The following USP3 variants were observed in gnomAD, a reference collection of about 807,000 sequenced individuals.
USP3 encodes ubiquitin carboxyl-terminal hydrolase 3.
A neutral mutation model predicts 72.3 loss-of-function variants in USP3; 20 were observed. The ratio of observed to expected loss-of-function variants is 0.28; its 90% CI spans 0.19 to 0.40. USP3 has a LOEUF of 0.40. USP3 is among the 10% of genes least tolerant of loss of function. The probability of loss-of-function intolerance (pLI) is 1.00; values close to 1 mark genes in which losing one functional copy is unlikely to be tolerated. For synonymous variants in USP3, 222 were observed against 225.3 expected (o/e 0.99, Z 0.13); for missense variants, 479 against 633.9 (o/e 0.76, Z 2.62).
chr15:63,551,603 A>G (rs1335979356), intron 3 of USP3, among the ~76,000 whole-genome samples: 1 of 152,194 alleles, frequency 6.6e-6, no homozygotes, highest in African/African-American at 2.4e-5. Context: ...GGGTAATGCT[A>G]GAAATGACAT....
chr15:63,546,285 T>C (rs2066326480), intron 3 of USP3, among the ~76,000 whole-genome samples: 1 of 152,210 alleles, frequency 6.6e-6, no homozygotes, highest in African/African-American at 2.4e-5. Context: ...GGATTTCAGC[T>C]ACATTTTGGG....
At chr15:63,575,214 C>T (rs1460442960) in intron 11 of USP3, among the ~76,000 whole-genome samples, 2 of 146,502 alleles carry the variant, frequency 1.4e-5, no homozygotes, top group African/African-American at 5.1e-5. Context: ...ATGATAACCA[C>T]GAGTCATGTA....
At position 63,558,109 on chromosome 15, in the gene USP3, A is replaced by G; in HGVS notation, c.454A>G (p.Ser152Gly). ...LNSKLLKVNGSTTAICATGLR... is the reference protein window; with the variant it reads ...LNSKLLKVNGGTTAICATGLR... ...CCTCTTCTTGCACCACTTACAGGGA[A>G]GCACCACTGCCATTTGTGCCACAGG... Residue 152 changes from serine (S) to glycine (G), a missense_variant, in exon 6 of 15, where the codon AGC (serine) becomes GGC (glycine). Physicochemically the swap from Ser to Gly is moderately conservative, Grantham distance 56 (BLOSUM62 0). Coordinates refer to ENST00000380324, the MANE Select transcript of USP3 (RefSeq NM_006537.4). 1 of 1,614,160 alleles carries G rather than the reference A, an allele frequency of 6.2e-7. No individual in the cohort carries two copies. The highest frequency in any genetic ancestry group is 8.5e-7 in the Non-Finnish European group (1 of 1,180,022).
chr15:63,516,707 C>A (rs2152650499), intron 1 of USP3, among the ~76,000 whole-genome samples: 1 of 151,962 alleles, frequency 6.6e-6, no homozygotes, highest in African/African-American at 2.4e-5. Context: ...TCCTTTTATT[C>A]TTTTTCCTAT....
intron 8 of USP3, among the ~76,000 whole-genome samples, chr15:63,563,595 C>T (rs776991639): frequency 6.6e-6 from 1 of 152,198 alleles, no homozygotes; most frequent in Non-Finnish European, 1.5e-5. Context: ...GGAATCCTGC[C>T]TTTTCTCGTA....
intron 9 of USP3, among the ~76,000 whole-genome samples, chr15:63,571,965 T>G (rs2066785126): frequency 6.6e-6 from 1 of 152,162 alleles, no homozygotes; most frequent in African/African-American, 2.4e-5. Context: ...TGTTGACTTG[T>G]GCACACACAC....
chr15:63,583,788 A>T (rs913274022), intron 11 of USP3, among the ~76,000 whole-genome samples: 2 of 152,166 alleles, frequency 1.3e-5, no homozygotes, highest in African/African-American at 4.8e-5. Context: ...CCATGTTGTA[A>T]GCATGTCTCA....
chr15:63,554,402 A>G (rs1408833385), intron 4 of USP3, among the ~76,000 whole-genome samples: 1 of 152,214 alleles, frequency 6.6e-6, no homozygotes, highest in African/African-American at 2.4e-5. Flanking sequence ...ATAGTCAAAT[A>G]GTTAGATAAA....
chr15:63,545,970 C>CAAAAA lies in USP3; in HGVS notation c.285-7724_285-7720dup, dbSNP rs60122671. Among the ~76,000 whole-genome samples the CAAAAA allele has an allele frequency of 6.4e-3, 439 of 68,772 alleles. 42 individuals carry two copies. Among genetic ancestry groups the CAAAAA allele is most frequent in the African/African-American group, 0.023 (378 of 16,792 alleles). The allele number at this position is 68,772 out of a possible 152,430, so 45.1% of individuals were successfully genotyped here. ...TGGGTGACAGAGCCAGACCTTGTCTCAAAAAAAAAAAAAAAAAAAAAAAAA... is the reference window on the plus strand; with the variant it reads ...TGGGTGACAGAGCCAGACCTTGTCTCAAAAAAAAAAAAAAAAAAAAAAAAAAAAAA... On this transcript the variant is annotated intron_variant, in intron 3 of 14. Coordinates refer to ENST00000380324, the MANE Select transcript of USP3 (RefSeq NM_006537.4).
At position 63,504,734 on chromosome 15, in the gene USP3, G is replaced by C. The variant is rs374344249; in HGVS notation, c.-6G>C. 34 of 1,602,378 alleles carry C rather than the reference G, an allele frequency of 2.1e-5. No homozygotes were observed. The highest frequency in any genetic ancestry group is 2.7e-5 in the African/African-American group (2 of 73,952). ...CGCAGTCCTCCCAGCTGCCCTCCTC[G>C]TGGCCATGGAGTGTCCACACCTGAG... On this transcript the variant is annotated 5_prime_UTR_variant, in exon 1 of 15. Coordinates refer to ENST00000380324, the MANE Select transcript of USP3 (RefSeq NM_006537.4).
At chr15:63,537,639 C>T (rs986190015) in intron 3 of USP3, among the ~76,000 whole-genome samples, 2 of 152,160 alleles carry the variant, frequency 1.3e-5, no homozygotes, top group Non-Finnish European at 2.9e-5. Flanking sequence ...TCCTCTTCTA[C>T]TCCCCCAAAG....
At chr15:63,581,569 T>C in intron 11 of USP3, among the ~76,000 whole-genome samples, 1 of 148,826 alleles carries the variant, frequency 6.7e-6, no homozygotes, top group South Asian at 2.1e-4. Flanking sequence ...TTTTTTTTTT[T>C]TTTGGATTTT....
At position 63,590,647 on chromosome 15, in the gene USP3, T is replaced by C; in HGVS notation, c.1398-14T>C. 6.5e-7 allele frequency: 1 copy of C among 1,541,534 alleles called. No individual in the cohort carries two copies. Among genetic ancestry groups the C allele is most frequent in the African/African-American group, 1.4e-5 (1 of 71,578 alleles). On this transcript the variant is annotated splice_polypyrimidine_tract_variant and intron_variant, in intron 14 of 14. Coordinates refer to ENST00000380324, the MANE Select transcript of USP3 (RefSeq NM_006537.4). ...TCTGAGGTTCTTTTTTCCTTTGGTC[T>C]TTTGCCTTTACAGGGTTGGTTCTGG...
chr15:63,522,421 C>G (rs900574229), intron 1 of USP3, among the ~76,000 whole-genome samples: 1 of 152,286 alleles, frequency 6.6e-6, no homozygotes, highest in East Asian at 1.9e-4. Context: ...GTGCATGTGT[C>G]ATACAGATAT....
chr15:63,545,641 T>C (rs979287060), intron 3 of USP3, among the ~76,000 whole-genome samples: 6 of 152,144 alleles, frequency 3.9e-5, no homozygotes, highest in African/African-American at 1.4e-4. Context: ...CTATTAAATA[T>C]AGTCCTTATC....
intron 3 of USP3, 143 bp downstream of exon 3, chr15:63,537,299 T>C (rs1192841104): frequency 3.1e-6 from 3 of 962,730 alleles, no homozygotes; most frequent in Admixed American, 3.7e-5. Flanking sequence ...ACTGGAGCCA[T>C]TGGGAACGCC....
intron 11 of USP3, among the ~76,000 whole-genome samples, chr15:63,585,979 A>G (rs959718703): frequency 6.6e-6 from 1 of 152,184 alleles, no homozygotes; most frequent in Non-Finnish European, 1.5e-5. Flanking sequence ...TGACATCAAT[A>G]TAGAATAAAA....
intron 9 of USP3, among the ~76,000 whole-genome samples, chr15:63,572,388 T>A (rs1376142621): frequency 6.6e-6 from 1 of 151,894 alleles, no homozygotes; most frequent in African/African-American, 2.4e-5. Context: ...TTTGTTTTTT[T>A]TTTTGCTATG....
intron 1 of USP3, among the ~76,000 whole-genome samples, chr15:63,519,056 C>T (rs8038912): frequency 0.054 from 8,153 of 152,232 alleles, 679 homozygotes; most frequent in African/African-American, 0.18. Context: ...TGAGCCACCG[C>T]GCCTGGCCGG....
Sources: allele counts gnomAD v4.1 joint callset (sites outside exome capture counted in the v4.1 genomes callset), GRCh38; gene constraint gnomAD v4.1.1; transcripts MANE v1.5; gene names NCBI Gene and HGNC (gene_info 2026-07-23, HGNC 2026-07-21).